The following FBXW7 variants were observed in gnomAD, a reference collection of about 807,000 sequenced individuals.
FBXW7 encodes the protein F-box and WD repeat domain containing 7.
In FBXW7, 11 loss-of-function variants were observed where a neutral mutation model predicts 86.3. The ratio of observed to expected loss-of-function variants is 0.13; its 90% CI spans 0.08 to 0.21. The LOEUF (loss-of-function observed/expected upper bound fraction) is 0.21. Ranked by LOEUF, FBXW7 falls within the 10% of genes least tolerant of loss-of-function variation. The pLI is 1.00. For missense variants in FBXW7, 488 were observed against 847.4 expected (o/e 0.58, Z 5.27); for synonymous variants, 313 against 297.9 (o/e 1.05, Z -0.52).
At chr4:152,420,070 T>TGAAA (rs1738808176) in intron 2 of FBXW7, among the ~76,000 whole-genome samples, 1 of 152,206 alleles carries the variant, frequency 6.6e-6, no homozygotes, top group South Asian at 2.1e-4. Context: ...TAGATCTTCT[T>TGAAA]TCAAGATTGG....
intron 2 of FBXW7, among the ~76,000 whole-genome samples, chr4:152,456,801 A>C (rs1014805665): frequency 1.3e-5 from 2 of 152,234 alleles, no homozygotes; most frequent in African/African-American, 4.8e-5. Context: ...TACAAACCGG[A>C]AAAGTTTGGC....
intron 2 of FBXW7, among the ~76,000 whole-genome samples, chr4:152,499,930 G>A (rs1215031087): frequency 6.6e-6 from 1 of 152,094 alleles, no homozygotes; most frequent in African/African-American, 2.4e-5. Flanking sequence ...ATTCAAGTCA[G>A]TGCATCTCTG....
Position 152,411,393 on chromosome 4 carries a change from A to G in FBXW7, c.411T>C (p.His137=), listed in dbSNP as rs61748169. 270 of 1,613,582 alleles carry G rather than the reference A, an allele frequency of 1.7e-4. 1 individual carries two copies. The African/African-American group carries it at 3.1e-3, about 19-fold the overall frequency. Residue 137 remains histidine (H), a synonymous_variant, in exon 4 of 14, where the codon CAT becomes CAC. Coordinates refer to ENST00000281708, the MANE Select transcript of FBXW7 (RefSeq NM_001349798.2). ...QSDDSSREDE[H]THTNSVTNSS... The stretch of plus-strand genomic sequence containing the variant: ...AGTTCGTGACACTGTTAGTATGTGT[A>G]TGTTCATCTTCTCTGCTACTATCAT...
At chr4:152,484,094 C>T (rs915311506) in intron 2 of FBXW7, among the ~76,000 whole-genome samples, 4 of 152,092 alleles carry the variant, frequency 2.6e-5, no homozygotes, top group Non-Finnish European at 5.9e-5. Flanking sequence ...TGAAAAATAG[C>T]TCTCTCTTCA....
chr4:152,476,998 C>T (rs1337021225), intron 2 of FBXW7, among the ~76,000 whole-genome samples: 1 of 151,854 alleles, frequency 6.6e-6, no homozygotes, highest in African/African-American at 2.4e-5. Flanking sequence ...TGTGTACAAG[C>T]ATCATGTAGC....
chr4:152,367,694 T>C (rs983520910), intron 4 of FBXW7, among the ~76,000 whole-genome samples: 2 of 152,140 alleles, frequency 1.3e-5, no homozygotes, highest in African/African-American at 4.8e-5. Flanking sequence ...TAGTCAACAC[T>C]ATACACACTG....
intron 2 of FBXW7, among the ~76,000 whole-genome samples, chr4:152,438,583 G>A (rs1432783640): frequency 3.9e-5 from 6 of 152,166 alleles, no homozygotes; most frequent in Non-Finnish European, 5.9e-5. Flanking sequence ...GCTGAGGAAC[G>A]AGAATCACTT....
At chr4:152,388,505 G>A (rs1735740674) in intron 4 of FBXW7, among the ~76,000 whole-genome samples, 6 of 151,968 alleles carry the variant, frequency 3.9e-5, no homozygotes, top group Admixed American at 2.0e-4. Context: ...CTCAATGTTA[G>A]ACATTTAAGC....
chr4:152,338,000 G>T, intron 6 of FBXW7, 64 bp from the exon 7 acceptor site: 5 of 1,501,696 alleles, frequency 3.3e-6, no homozygotes, highest in Admixed American at 4.1e-5. Flanking sequence ...GGCTTATAAA[G>T]GAAAACTCAC....
chr4:152,387,221 T>C (rs1434490263), intron 4 of FBXW7, among the ~76,000 whole-genome samples: 3 of 152,198 alleles, frequency 2.0e-5, no homozygotes, highest in Non-Finnish European at 4.4e-5. Context: ...TCAGTATTAT[T>C]CACTGCTTCT....
At chr4:152,479,570 C>T (rs544270165) in intron 2 of FBXW7, among the ~76,000 whole-genome samples, 1 of 152,222 alleles carries the variant, frequency 6.6e-6, no homozygotes, top group Admixed American at 6.5e-5. Flanking sequence ...TGTCTGACTG[C>T]TTCCCAGAAT....
intron 2 of FBXW7, among the ~76,000 whole-genome samples, chr4:152,437,402 G>A (rs72721620): frequency 0.04 from 6,092 of 151,994 alleles, 199 homozygotes; most frequent in Non-Finnish European, 0.065. Flanking sequence ...ATTCAGTGGC[G>A]GAAGTCACTG....
chr4:152,435,658 G>A (rs529922138), intron 2 of FBXW7, among the ~76,000 whole-genome samples: 6 of 152,250 alleles, frequency 3.9e-5, no homozygotes, highest in Admixed American at 1.3e-4. Context: ...CTGAGTAGAC[G>A]ATTTTTTTTC....
At chr4:152,421,297 G>A (rs952714478) in intron 2 of FBXW7, among the ~76,000 whole-genome samples, 3 of 152,254 alleles carry the variant, frequency 2.0e-5, no homozygotes, top group African/African-American at 7.2e-5. Flanking sequence ...GGAATGTTAT[G>A]GTTGATTTGA....
intron 5 of FBXW7, 29 bp downstream of exon 5, chr4:152,350,013 C>T (rs1164624396): frequency 8.0e-7 from 1 of 1,245,672 alleles, no homozygotes; most frequent in African/African-American, 1.5e-5. Flanking sequence ...AACTGAGAAT[C>T]ATGAGATAAT....
intron 6 of FBXW7, among the ~76,000 whole-genome samples, chr4:152,346,211 T>C (rs1731247900): frequency 6.6e-6 from 1 of 152,154 alleles, no homozygotes; most frequent in African/African-American, 2.4e-5. Flanking sequence ...AGAATATAAA[T>C]ACTATTAAAA....
chr4:152,425,053 T>C (rs907382589), intron 2 of FBXW7, among the ~76,000 whole-genome samples: 2 of 152,226 alleles, frequency 1.3e-5, no homozygotes, highest in African/African-American at 4.8e-5. Flanking sequence ...ATGATGCCAT[T>C]ACTGCCAGTC....
chr4:152,431,488 GA>G (rs1321236150), intron 2 of FBXW7, among the ~76,000 whole-genome samples: 1 of 152,068 alleles, frequency 6.6e-6, no homozygotes. Flanking sequence ...TGTTCTCAGG[GA>G]AAAAAATGGT....
chr4:152,521,809 ATTTTTTTTTTTT>A (rs575881137), intron 2 of FBXW7, among the ~76,000 whole-genome samples: 1 of 100,694 alleles, frequency 9.9e-6, no homozygotes, highest in Admixed American at 1.2e-4. Context: ...TAAGGGTCCA[ATTTTTTTTTTTT>A]TTTTTTTTTT....
Sources: gnomAD v4.1 joint callset for allele counts (sites outside exome capture counted in the v4.1 genomes callset) on GRCh38, gnomAD v4.1.1 for gene constraint, MANE v1.5 for transcripts, NCBI Gene and HGNC (gene_info 2026-07-23, HGNC 2026-07-21) for gene names.